Variants in USP2 observed in about 807,000 individuals in gnomAD.
USP2 encodes the protein ubiquitin carboxyl-terminal hydrolase 2.
USP2 carries 33 observed loss-of-function variants against 72.0 expected under a neutral mutation model. The observed-to-expected ratio is 0.46, with a 90% CI of 0.35 to 0.61. The LOEUF is 0.61. USP2 is among the 20% of genes least tolerant of loss of function. The pLI is 0.01. For missense variants in USP2, 691 were observed against 797.8 expected (o/e 0.87, Z 1.61); for synonymous variants, 296 against 312.5 (o/e 0.95, Z 0.56).
chr11:119,356,826 C>G lies in USP2; in HGVS notation c.*9G>C. The G allele has an allele frequency of 6.4e-7, 1 of 1,557,362 alleles. No individual in the cohort carries two copies. Among genetic ancestry groups the G allele is most frequent in the Middle Eastern group, 1.9e-4 (1 of 5,240 alleles). On this transcript the variant is annotated 3_prime_UTR_variant, in exon 13 of 13. Transcript: ENST00000260187. Reference sequence around the variant, plus strand: ...CACGGGGAAGGGAGAAGGGACGTGGCTCCTGGCGCTACATTCGGGAGGGCG... The same window carrying G: ...CACGGGGAAGGGAGAAGGGACGTGGGTCCTGGCGCTACATTCGGGAGGGCG...
At chr11:119,365,327 C>A (rs1460341446) in intron 2 of USP2, among the ~76,000 whole-genome samples, 1 of 152,088 alleles carries the variant, frequency 6.6e-6, no homozygotes, top group Non-Finnish European at 1.5e-5. Flanking sequence ...GACAAAGCAG[C>A]AATTTCATGC....
intron 1 of USP2, chr11:119,376,256 A>T: frequency 1.0e-6 from 1 of 985,728 alleles, no homozygotes; most frequent in South Asian, 4.7e-5. Flanking sequence ...CACAGAATGC[A>T]CTATGGGCAG....
In USP2 at chr11:119,373,334, A is replaced by C; in HGVS notation, c.147T>G (p.Leu49=). The change falls in exon 2 of 13, where the codon CTT becomes CTG. Residue 49 remains leucine, a synonymous_variant. Coordinates refer to ENST00000260187, the MANE Select transcript of USP2 (RefSeq NM_004205.5). ...TGCTGGTGGGGACCGGCTTGAAACCAAGTTTCTCCTTCTCCAGTAAGGAGG... is the reference window on the plus strand; with the variant it reads ...TGCTGGTGGGGACCGGCTTGAAACCCAGTTTCTCCTTCTCCAGTAAGGAGG... ...LAASLLEKEK[L]GFKPVPTSSF... 6.2e-7 allele frequency: 1 copy of C among 1,613,112 alleles called. No homozygotes were observed. Among genetic ancestry groups the C allele is most frequent in the East Asian group, 2.2e-5 (1 of 44,876 alleles).
At position 119,356,141 on chromosome 11, in the gene USP2, A is replaced by G. The variant is rs904595781; in HGVS notation, c.*694T>C. On this transcript the variant is annotated 3_prime_UTR_variant, in exon 13 of 13. Transcript: ENST00000260187. ...TGTGCTTGGGGCCTGGCCAACGCCC[A>G]CCTAGCACCACGGAGGGCTAGCATT... 2 of 151,794 alleles carry G rather than the reference A, an allele frequency of 1.3e-5. No homozygotes were observed. Among genetic ancestry groups the G allele is most frequent in the African/African-American group, 4.8e-5 (2 of 41,264 alleles). 9.4% of individuals were successfully genotyped at this position (151,794 alleles called of 1,614,324 possible).
chr11:119,377,886 C>G (rs1020878175), intron 1 of USP2, among the ~76,000 whole-genome samples: 3 of 152,160 alleles, frequency 2.0e-5, no homozygotes, highest in African/African-American at 7.2e-5. Context: ...TGCCCCACAT[C>G]CCAGTAACCT....
chr11:119,377,026 T>C (rs1457973750), intron 1 of USP2, among the ~76,000 whole-genome samples: 1 of 152,244 alleles, frequency 6.6e-6, no homozygotes, highest in Non-Finnish European at 1.5e-5. Flanking sequence ...AAAAAATAAA[T>C]ATACAAGAAA....
intron 12 of USP2, 85 bp downstream of exon 12, chr11:119,357,102 G>C: frequency 7.3e-7 from 1 of 1,369,474 alleles, no homozygotes; most frequent in South Asian, 1.4e-5. Context: ...GGGGTGGGAG[G>C]GGGGTGGGTT....
intron 1 of USP2, among the ~76,000 whole-genome samples, chr11:119,375,112 C>T (rs1204889695): frequency 6.6e-6 from 1 of 152,232 alleles, no homozygotes; most frequent in Non-Finnish European, 1.5e-5. Flanking sequence ...CAGGCCTCCC[C>T]CTGCAGCCCC....
At chr11:119,380,949 C>T (rs888053934) in intron 1 of USP2, 2 of 156,700 alleles carry the variant, frequency 1.3e-5, no homozygotes, top group African/African-American at 4.8e-5. Flanking sequence ...CTTCCCTTGA[C>T]TGTTGAGAAG....
At chr11:119,371,272 C>T (rs957818068) in intron 2 of USP2, among the ~76,000 whole-genome samples, 1 of 152,114 alleles carries the variant, frequency 6.6e-6, no homozygotes, top group Non-Finnish European at 1.5e-5. Flanking sequence ...GGACCCGAGC[C>T]CCTCCGAGGA....
chr11:119,378,429 G>C (rs1373898355), intron 1 of USP2, among the ~76,000 whole-genome samples: 1 of 152,162 alleles, frequency 6.6e-6, no homozygotes, highest in East Asian at 1.9e-4. Context: ...CCTGTCACTA[G>C]GCTTTGTCTA....
chr11:119,360,028 C>A (rs1421631741), intron 3 of USP2, among the ~76,000 whole-genome samples, 156 bp downstream of exon 3: 1 of 152,112 alleles, frequency 6.6e-6, no homozygotes, highest in Non-Finnish European at 1.5e-5. Context: ...AAAGCACAGC[C>A]CAGCAATTCT....
intron 2 of USP2, among the ~76,000 whole-genome samples, chr11:119,369,738 C>T (rs1017367574): frequency 6.6e-6 from 1 of 152,094 alleles, no homozygotes; most frequent in Non-Finnish European, 1.5e-5. Flanking sequence ...AAATACAGCC[C>T]AGCTGATAGG....
At position 119,381,635 on chromosome 11, in the gene USP2, A is replaced by G. The variant is rs1281639930; in HGVS notation, c.-204T>C. On this transcript the variant is annotated 5_prime_UTR_variant, in exon 1 of 13. Transcript: ENST00000260187. ...TCTCCCACCTCCGCCGGGGGCCCAG[A>G]AGGGACCTCCCCGGGAAATCGGCGC... The G allele has an allele frequency of 7.4e-7, 1 of 1,346,224 alleles. No individual in the cohort carries two copies. The highest frequency in any genetic ancestry group is 1.0e-6 in the Non-Finnish European group (1 of 978,648). 83.4% of individuals were successfully genotyped at this position (1,346,224 alleles called of 1,614,324 possible).
At chr11:119,362,968 C>A (rs1565306899) in intron 2 of USP2, among the ~76,000 whole-genome samples, 1 of 152,222 alleles carries the variant, frequency 6.6e-6, no homozygotes, top group Non-Finnish European at 1.5e-5. Flanking sequence ...CTCAGGAGAG[C>A]CCTGCCTGGG....
intron 2 of USP2, chr11:119,363,814 C>A: frequency 7.2e-7 from 1 of 1,379,704 alleles, no homozygotes; most frequent in Non-Finnish European, 9.4e-7. Context: ...ACCCCAGGCC[C>A]TCGGCGCGGG....
chr11:119,366,139 C>G (rs1358269002), intron 2 of USP2, among the ~76,000 whole-genome samples: 1 of 152,196 alleles, frequency 6.6e-6, no homozygotes, highest in African/African-American at 2.4e-5. Flanking sequence ...AAGTGATCCG[C>G]CCACCTCAGC....
At chr11:119,363,430 G>C (rs1044068490) in intron 2 of USP2, among the ~76,000 whole-genome samples, 8 of 152,204 alleles carry the variant, frequency 5.3e-5, no homozygotes, top group African/African-American at 1.7e-4. Context: ...CAGTGAAGGG[G>C]AGGCGGCCCC....
At position 119,356,955 on chromosome 11, in the gene USP2, G is replaced by A. The variant is rs764082458; in HGVS notation, c.1731-33C>T. On this transcript the variant is annotated intron_variant, in intron 12 of 12. Transcript: ENST00000260187. ...GAGAGCGGGGAGTCAGCCCGGAGCG[G>A]GCAGGACCGGGAGACCCCCCGCCGG... The A allele has an allele frequency of 1.5e-5, 23 of 1,547,834 alleles. No homozygotes were observed. The South Asian group carries it at 2.7e-4, about 18-fold the overall frequency.
Sources: gnomAD v4.1 joint callset for allele counts (sites outside exome capture counted in the v4.1 genomes callset) on GRCh38, gnomAD v4.1.1 for gene constraint, MANE v1.5 for transcripts, NCBI Gene and HGNC (gene_info 2026-07-23, HGNC 2026-07-21) for gene names.